ENG: variants seen among roughly 807,000 people sequenced by gnomAD.
ENG encodes endoglin, also known as CD105 antigen.
A neutral mutation model predicts 71.0 loss-of-function variants in ENG; 17 were observed. The observed-to-expected ratio is 0.24, with a 90% CI of 0.16 to 0.36. ENG has a LOEUF of 0.36. ENG is among the 10% of genes least tolerant of loss of function. ENG has a pLI of 1.00. For synonymous variants in ENG, 360 were observed against 366.9 expected (o/e 0.98, Z 0.21); for missense variants, 749 against 868.3 (o/e 0.86, Z 1.73).
intron 1 of ENG, among the ~76,000 whole-genome samples, chr9:127,848,871 ATCAGTATG>A (rs1831232094): frequency 6.6e-6 from 1 of 152,224 alleles, no homozygotes; most frequent in Admixed American, 6.5e-5. Context: ...TCTTCAAAGA[ATCAGTATG>A]TCAGTATGTT....
chr9:127,852,157 A>G (rs1214683103), intron 1 of ENG, among the ~76,000 whole-genome samples: 1 of 152,100 alleles, frequency 6.6e-6, no homozygotes, highest in Non-Finnish European at 1.5e-5. Flanking sequence ...TTGCTCATGG[A>G]CACTTAGATG....
intron 1 of ENG, among the ~76,000 whole-genome samples, chr9:127,853,860 A>G (rs41328849): frequency 0.16 from 23,609 of 152,208 alleles, 2,880 homozygotes; most frequent in African/African-American, 0.33. Flanking sequence ...TCACACCACA[A>G]GGAAGTGCCT....
chr9:127,829,813 C>T lies in ENG; in HGVS notation c.234G>A (p.Leu78=), dbSNP rs115675061. 238 of 1,614,080 alleles carry T rather than the reference C, an allele frequency of 1.5e-4. 2 individuals are homozygous for T. In the African/African-American group the frequency reaches 2.6e-3, roughly 18 times the overall value. ...GCTTGGATGCCTGGAGAGTCAGCTC[C>T]AGCTGTGACGGGCCCTGGGGGACAC... is the stretch of plus-strand genomic sequence containing the variant. ...FLEFPTGPSQ[L]ELTLQASKQN... The change falls in exon 3 of 15, where the codon CTG becomes CTA. Residue 78 remains leucine, a synonymous_variant. Coordinates refer to ENST00000373203, the MANE Select transcript of ENG (RefSeq NM_001114753.3).
Position 127,825,768 on chromosome 9 carries a change from C to A in ENG, c.616G>T (p.Gly206Cys), listed in dbSNP as rs1238250797. The A allele has an allele frequency of 6.3e-7, 1 of 1,599,224 alleles. No homozygotes were observed. The change falls in exon 5 of 15, where the codon GGC becomes TGC. Residue 206 changes from glycine to cysteine, a missense_variant. Coordinates refer to ENST00000373203, the MANE Select transcript of ENG (RefSeq NM_001114753.3). Reference protein sequence around the residue: ...WRPRTPALVRGCHLEGVAGHK... With the variant: ...WRPRTPALVRCCHLEGVAGHK... ...CCGGCCACGCCTTCCAAGTGGCAGC[C>A]CCGGACCAAGGCTGGAGTACGCGGC...
chr9:127,834,000 CTG>C (rs140057131), intron 2 of ENG, among the ~76,000 whole-genome samples: 2 of 152,248 alleles, frequency 1.3e-5, no homozygotes, highest in East Asian at 1.9e-4. Context: ...ACAAAGCAAT[CTG>C]TAACTGGTTG....
At chr9:127,831,717 G>C (rs1397979746) in intron 2 of ENG, among the ~76,000 whole-genome samples, 1 of 147,240 alleles carries the variant, frequency 6.8e-6, no homozygotes, top group Admixed American at 6.8e-5. Context: ...TTTGAGACAG[G>C]GTCTTGCTCT....
rs1203177428 is a variant in ENG, at chr9:127,825,866, G to A, written c.524-6C>T. 3.2e-6 allele frequency: 5 copies of A among 1,584,468 alleles called. No homozygotes were observed. In the East Asian group the frequency reaches 1.2e-4, roughly 37 times the overall value. On this transcript the variant is annotated splice_region_variant and splice_polypyrimidine_tract_variant and intron_variant, in intron 4 of 14. Coordinates refer to ENST00000373203, the MANE Select transcript of ENG (RefSeq NM_001114753.3). ...GAAGGACAGTGACCCCTGGGCTGCA[G>A]AGACACGCGCACCTCAGTCCCTTCC...
At chr9:127,816,095 G>GCCCCATCCCCTA in intron 13 of ENG, 42 bp from the exon 14 acceptor site, 3 of 1,593,352 alleles carry the variant, frequency 1.9e-6, no homozygotes, top group Non-Finnish European at 2.6e-6. Context: ...CTCTGCCCCT[G>GCCCCATCCCCTA]CCCCATCCCC....
intron 8 of ENG, among the ~76,000 whole-genome samples, chr9:127,824,092 T>G (rs1424403455): frequency 6.6e-6 from 1 of 152,188 alleles, no homozygotes; most frequent in South Asian, 2.1e-4. Flanking sequence ...TACCACATCT[T>G]ACTGTGCCAC....
intron 1 of ENG, among the ~76,000 whole-genome samples, chr9:127,852,984 G>A (rs190973437): frequency 2.4e-4 from 36 of 152,268 alleles, no homozygotes; most frequent in Non-Finnish European, 2.6e-4. Context: ...TAGGGGCTCC[G>A]TCTTAGCCAT....
chr9:127,826,471 CA>C (rs757728323), intron 4 of ENG, 38 bp downstream of exon 4: 8 of 1,613,214 alleles, frequency 5.0e-6, no homozygotes, highest in Admixed American at 3.3e-5. Flanking sequence ...TCCTCCTGAG[CA>C]GTATCATGAG....
chr9:127,823,382 T>C (rs1260133242), intron 8 of ENG, among the ~76,000 whole-genome samples: 3 of 147,360 alleles, frequency 2.0e-5, no homozygotes, highest in Admixed American at 6.8e-5. Flanking sequence ...GTGATCATAT[T>C]GTATAGGCTT....
At chr9:127,831,392 CT>C (rs889808665) in intron 2 of ENG, among the ~76,000 whole-genome samples, 6 of 123,396 alleles carry the variant, frequency 4.9e-5, no homozygotes, top group African/African-American at 1.5e-4. Context: ...TTTTTTTTTT[CT>C]TTTTTTTTCT....
chr9:127,816,416 C>G, intron 13 of ENG: 1 of 388,076 alleles, frequency 2.6e-6, no homozygotes. Context: ...CCCTGCCCCT[C>G]TCTGAGGCCT....
chr9:127,825,589 G>T (rs1830591042), intron 5 of ENG, 106 bp downstream of exon 5: 2 of 1,279,954 alleles, frequency 1.6e-6, no homozygotes. Flanking sequence ...GGCTGGGGCT[G>T]GGACTGGGGT....
chr9:127,839,582 G>A (rs535704254), intron 2 of ENG, among the ~76,000 whole-genome samples: 1 of 152,198 alleles, frequency 6.6e-6, no homozygotes, highest in South Asian at 2.1e-4. Context: ...TTGAGACAGG[G>A]TCTTGCTCTG....
At position 127,829,687 on chromosome 9, in the gene ENG, G is replaced by A. The variant is rs121918402; in HGVS notation, c.360C>T (p.Tyr120=). 7.9e-5 allele frequency: 128 copies of A among 1,613,900 alleles called. No individual in the cohort carries two copies. The highest frequency in any genetic ancestry group is 9.5e-5 in the Non-Finnish European group (112 of 1,179,972). ...CTGGGGTTGGAGGGAACACACTCAC[G>A]TAGGCCAAGTGCAGTGGGATTCCCA... ...QALGIPLHLA[Y]NSSLVTFQEP... The change falls in exon 3 of 15, where the codon TAC becomes TAT. Residue 120 remains tyrosine, a splice_region_variant and synonymous_variant. Transcript: ENST00000373203.
chr9:127,829,407 G>C (rs756943432), intron 3 of ENG, among the ~76,000 whole-genome samples: 10 of 152,184 alleles, frequency 6.6e-5, no homozygotes, highest in Non-Finnish European at 1.3e-4. Context: ...GGACAGAGAG[G>C]CAAACTGAGC....
chr9:127,851,175 A>G (rs1027686775), intron 1 of ENG, among the ~76,000 whole-genome samples: 2 of 152,012 alleles, frequency 1.3e-5, no homozygotes, highest in African/African-American at 2.4e-5. Context: ...TGAGGCAGCT[A>G]TATGGTTAAT....
Sources: gnomAD v4.1 joint callset for allele counts (sites outside exome capture counted in the v4.1 genomes callset) on GRCh38, gnomAD v4.1.1 for gene constraint, MANE v1.5 for transcripts, NCBI Gene and HGNC (gene_info 2026-07-23, HGNC 2026-07-21) for gene names.